CNBD1: variants seen among roughly 807,000 people sequenced by gnomAD.
CNBD1 encodes cyclic nucleotide-binding domain-containing protein 1.
Under a neutral mutation model 54.4 loss-of-function variants are expected in CNBD1, and 71 were observed. The ratio of observed to expected loss-of-function variants is 1.30; its 90% CI spans 1.08 to 1.59. CNBD1 has a LOEUF of 1.59. Among genes scored for constraint, CNBD1 ranks in the 40% most tolerant of loss-of-function variants. The pLI, the probability that CNBD1 is intolerant of heterozygous loss-of-function variation, is 0.00. For missense variants in CNBD1, 659 were observed against 518.0 expected, an observed-to-expected ratio of 1.27 and a Z score of -2.64; for synonymous variants, 182 against 170.7, an observed-to-expected ratio of 1.07 and a Z score of -0.51.
chr8:87,128,720 C>G, intron 4 of CNBD1, among the ~76,000 whole-genome samples: 1 of 151,632 alleles, frequency 6.6e-6, no homozygotes, highest in Non-Finnish European at 1.5e-5. Context: ...TGGGAAAAAC[C>G]CCACCTGGTC....
At chr8:86,969,153 GT>G (rs553747341) in intron 4 of CNBD1, among the ~76,000 whole-genome samples, 10 of 151,502 alleles carry the variant, frequency 6.6e-5, no homozygotes, top group African/African-American at 1.2e-4. Context: ...CTTATTTACT[GT>G]TTTTTTTCTC....
chr8:87,230,143 A>T (rs1019595014), intron 5 of CNBD1, among the ~76,000 whole-genome samples: 13 of 152,136 alleles, frequency 8.5e-5, no homozygotes, highest in Non-Finnish European at 1.5e-4. Flanking sequence ...GGTGCCACAT[A>T]GTTTTAAACA....
chr8:87,206,020 C>G lies in CNBD1; in HGVS notation c.459C>G (p.His153Gln). 1 of 1,579,812 alleles carries G rather than the reference C, an allele frequency of 6.3e-7. No individual in the cohort carries two copies. The highest frequency in any genetic ancestry group is 8.6e-7 in the Non-Finnish European group (1 of 1,164,652). ...KLPIHRTPYEHKTVWKFLKTI... is the reference protein window; with the variant it reads ...KLPIHRTPYEQKTVWKFLKTI... ...CCATTCACAGGACGCCATATGAACA[C>G]AAAACTGTGTGGAAGTTCCTGAAAA... is the stretch of plus-strand genomic sequence containing the variant. Residue 153 changes from histidine (H) to glutamine (Q), a missense_variant, in exon 5 of 11, where the codon CAC becomes CAG. Physicochemically the swap from His to Gln is conservative, Grantham distance 24 (BLOSUM62 0). Transcript: ENST00000518476.
intron 4 of CNBD1, among the ~76,000 whole-genome samples, chr8:87,004,226 G>A (rs1809049577): frequency 1.3e-5 from 2 of 152,166 alleles, no homozygotes; most frequent in Non-Finnish European, 2.9e-5. Context: ...AGCTTCTGGG[G>A]AGGCCTCAGG....
chr8:87,226,308 T>G (rs1366801291), intron 5 of CNBD1, among the ~76,000 whole-genome samples: 2 of 150,536 alleles, frequency 1.3e-5, no homozygotes, highest in Non-Finnish European at 2.9e-5. Flanking sequence ...GCTCGTGCTT[T>G]TCTAGTTCTT....
At chr8:86,874,986 T>TATATATATATA (rs1554626871) in intron 1 of CNBD1, among the ~76,000 whole-genome samples, 1 of 120,120 alleles carries the variant, frequency 8.3e-6, no homozygotes, top group Non-Finnish European at 1.7e-5. Flanking sequence ...GTAAATCAAT[T>TATATATATATA]TATATATATA....
At chr8:87,167,944 A>G (rs1812999886) in intron 4 of CNBD1, among the ~76,000 whole-genome samples, 1 of 151,986 alleles carries the variant, frequency 6.6e-6, no homozygotes, top group Admixed American at 6.6e-5. Context: ...TAACATAGCT[A>G]TTGCTCCTAG....
intron 2 of CNBD1, among the ~76,000 whole-genome samples, chr8:87,390,665 T>C (rs1436980819): frequency 6.6e-6 from 1 of 152,160 alleles, no homozygotes; most frequent in African/African-American, 2.4e-5. Context: ...AGTTCAACCA[T>C]TGTGGAAGTG....
At chr8:87,303,996 G>A (rs1321376971) in intron 8 of CNBD1, among the ~76,000 whole-genome samples, 3 of 152,162 alleles carry the variant, frequency 2.0e-5, no homozygotes. Flanking sequence ...AACAGGTGCT[G>A]GAGAGGATAT....
At chr8:86,915,032 C>A (rs1354520790) in intron 3 of CNBD1, among the ~76,000 whole-genome samples, 1 of 152,126 alleles carries the variant, frequency 6.6e-6, no homozygotes, top group East Asian at 1.9e-4. Flanking sequence ...GAACAGGGAA[C>A]CACAGTTGTA....
chr8:87,076,270 T>A (rs1440638046), intron 4 of CNBD1, among the ~76,000 whole-genome samples: 5 of 152,184 alleles, frequency 3.3e-5, no homozygotes, highest in African/African-American at 1.2e-4. Flanking sequence ...GATACCATAA[T>A]GGTAATCACA....
rs1808999475 is a variant in CNBD1, at chr8:86,905,183, G to A, written c.261G>A (p.Gln87=). Residue 87 remains glutamine (Q), a synonymous_variant, in exon 3 of 11, where the codon CAG becomes CAA. Transcript: ENST00000518476. The part of the protein sequence containing the change: ...QKPRLPKLFK[Q]EEQRELNEGK... ...CCAGACTTCCTAAACTTTTCAAACA[G>A]GAGGAACAAAGGTAATGATACCTTC... The A allele has an allele frequency of 6.3e-7, 1 of 1,593,688 alleles. No individual in the cohort carries two copies.
At chr8:87,374,430 A>C (rs1192051695) in intron 10 of CNBD1, among the ~76,000 whole-genome samples, 1 of 151,880 alleles carries the variant, frequency 6.6e-6, no homozygotes, top group Non-Finnish European at 1.5e-5. Context: ...TCCTTAAATC[A>C]AGATCCTAAT....
intron 5 of CNBD1, among the ~76,000 whole-genome samples, chr8:87,226,717 G>A (rs1029325021): frequency 6.6e-6 from 1 of 151,970 alleles, no homozygotes; most frequent in East Asian, 1.9e-4. Context: ...TGTATATTCT[G>A]TTGATTTGGG....
At chr8:87,355,023 A>T (rs1033707473) in intron 10 of CNBD1, among the ~76,000 whole-genome samples, 5 of 152,196 alleles carry the variant, frequency 3.3e-5, no homozygotes, top group Admixed American at 3.3e-4. Context: ...GTCAGGAAAC[A>T]ACAGGTGCTG....
intron 4 of CNBD1, among the ~76,000 whole-genome samples, chr8:87,005,785 G>A (rs1809086417): frequency 6.6e-6 from 1 of 152,036 alleles, no homozygotes; most frequent in Non-Finnish European, 1.5e-5. Context: ...AGGTCATTAG[G>A]GATGAGGGCC....
chr8:86,981,132 T>C (rs368276887), intron 4 of CNBD1, among the ~76,000 whole-genome samples: 9 of 152,356 alleles, frequency 5.9e-5, no homozygotes, highest in African/African-American at 2.2e-4. Flanking sequence ...ACACAGACTA[T>C]GGAAAGACTC....
At chr8:87,227,793 G>T (rs1297598841) in intron 5 of CNBD1, among the ~76,000 whole-genome samples, 2 of 150,024 alleles carry the variant, frequency 1.3e-5, no homozygotes, top group African/African-American at 2.5e-5. Context: ...GGCCTGCCTT[G>T]CTAGATTGGG....
chr8:87,223,816 C>T (rs1325105223), intron 5 of CNBD1, among the ~76,000 whole-genome samples: 2 of 152,218 alleles, frequency 1.3e-5, no homozygotes, highest in South Asian at 2.1e-4. Flanking sequence ...GGAATCGCCA[C>T]ACTGACTTCC....
Sources: allele counts gnomAD v4.1 joint callset (sites outside exome capture counted in the v4.1 genomes callset), GRCh38; gene constraint gnomAD v4.1.1; transcripts MANE v1.5; gene names NCBI Gene and HGNC (gene_info 2026-07-23, HGNC 2026-07-21).